CCDC18: variants seen among roughly 807,000 people sequenced by gnomAD.
CCDC18 encodes the protein coiled-coil domain containing 18, also known as coiled-coil domain-containing protein 18.
A neutral mutation model predicts 196.0 loss-of-function variants in CCDC18; 157 were observed. That is an observed-to-expected ratio of 0.80 (90% CI 0.70 to 0.91). CCDC18 has a LOEUF of 0.91. Among genes scored for constraint, CCDC18 ranks in the 40% least tolerant of loss-of-function variants. CCDC18 has a pLI of 0.00. For synonymous variants in CCDC18, 482 were observed against 529.2 expected (o/e 0.91, Z 1.22); for missense variants, 1,465 against 1,611.6 (o/e 0.91, Z 1.56).
chr1:93,243,170 C>G (rs1430837417), intron 21 of CCDC18, among the ~76,000 whole-genome samples: 1 of 152,242 alleles, frequency 6.6e-6, no homozygotes, highest in Non-Finnish European at 1.5e-5. Flanking sequence ...AGCCCTGCCT[C>G]AGCAGCAAAC....
At chr1:93,232,627 T>TA (rs1557664946) in intron 18 of CCDC18, 34 bp downstream of exon 18, 1 of 1,448,120 alleles carries the variant, frequency 6.9e-7, no homozygotes, top group East Asian at 2.4e-5. Context: ...GTTTTATTTG[T>TA]ATGAAATAGA....
intron 28 of CCDC18, chr1:93,271,106 AAAG>A: frequency 2.0e-6 from 2 of 983,968 alleles, no homozygotes; most frequent in Non-Finnish European, 2.4e-6. Flanking sequence ...AAACTGAAAA[AAAG>A]AAAAATGGTA....
At chr1:93,231,681 C>T (rs1037649167) in intron 17 of CCDC18, among the ~76,000 whole-genome samples, 3 of 152,106 alleles carry the variant, frequency 2.0e-5, no homozygotes, top group African/African-American at 7.2e-5. Flanking sequence ...TATCTTAAAG[C>T]AATTTTGGAG....
At chr1:93,207,612 A>C (rs566386977) in intron 9 of CCDC18, among the ~76,000 whole-genome samples, 1 of 152,116 alleles carries the variant, frequency 6.6e-6, no homozygotes, top group Non-Finnish European at 1.5e-5. Flanking sequence ...TAAGAATGGC[A>C]CAGAATTTTT....
intron 17 of CCDC18, among the ~76,000 whole-genome samples, chr1:93,228,497 C>T (rs918309431): frequency 2.1e-5 from 3 of 142,028 alleles, no homozygotes; most frequent in African/African-American, 8.7e-5. Flanking sequence ...ATTATATAGC[C>T]TTAGAAGTTT....
chr1:93,208,334 G>T (rs1467427493), intron 9 of CCDC18, among the ~76,000 whole-genome samples: 104 of 90,430 alleles, frequency 1.2e-3, no homozygotes, highest in African/African-American at 2.6e-3. Context: ...CTTTTTTTTT[G>T]TTTGTTTGTT....
chr1:93,186,597 A>G, intron 4 of CCDC18, 94 bp downstream of exon 4: 1 of 953,258 alleles, frequency 1.0e-6, no homozygotes, highest in Non-Finnish European at 1.6e-6. Context: ...ACATTGCCTT[A>G]ATGTGTTATG....
chr1:93,226,744 G>C (rs1658404711), intron 17 of CCDC18, among the ~76,000 whole-genome samples: 1 of 152,024 alleles, frequency 6.6e-6, no homozygotes, highest in Non-Finnish European at 1.5e-5. Flanking sequence ...ATGTTGGCCA[G>C]GCTGGCCTTG....
chr1:93,257,447 T>C (rs1663161499), intron 25 of CCDC18, among the ~76,000 whole-genome samples: 1 of 151,956 alleles, frequency 6.6e-6, no homozygotes, highest in South Asian at 2.1e-4. Context: ...TTTACATTGG[T>C]ATACTTGGGT....
intron 7 of CCDC18, among the ~76,000 whole-genome samples, chr1:93,202,394 G>A (rs1455117711): frequency 1.3e-5 from 2 of 152,134 alleles, no homozygotes; most frequent in African/African-American, 4.8e-5. Context: ...CTCTCGGAAG[G>A]TTCCTTGAAC....
intron 12 of CCDC18, among the ~76,000 whole-genome samples, 175 bp downstream of exon 12, chr1:93,215,141 C>T (rs1656273447): frequency 6.6e-6 from 1 of 152,038 alleles, no homozygotes; most frequent in Non-Finnish European, 1.5e-5. Context: ...TGTATTTTAA[C>T]TTATTAAAAG....
At chr1:93,262,520 G>A (rs1557707249) in intron 26 of CCDC18, among the ~76,000 whole-genome samples, 1 of 152,224 alleles carries the variant, frequency 6.6e-6, no homozygotes, top group South Asian at 2.1e-4. Flanking sequence ...AAATGTTAAA[G>A]CTCCAAAATA....
At chr1:93,194,063 G>A (rs1035309142) in intron 6 of CCDC18, among the ~76,000 whole-genome samples, 1 of 151,926 alleles carries the variant, frequency 6.6e-6, no homozygotes, top group African/African-American at 2.4e-5. Flanking sequence ...TACTAACAGG[G>A]AAAAAGCCTG....
At position 93,246,908 on chromosome 1, in the gene CCDC18, G is replaced by C. The variant is rs201175141; in HGVS notation, c.3152G>C (p.Gly1051Ala). The C allele has an allele frequency of 5.3e-4, 809 of 1,516,526 alleles. 3 individuals are homozygous for C. Among genetic ancestry groups the C allele is most frequent in the Non-Finnish European group, 5.4e-4 (596 of 1,108,496 alleles). 93.9% of individuals were successfully genotyped at this position (1,516,526 alleles called of 1,614,324 possible). ...EMEQKIIKLE[G>A]TLEKSELELK... ...GAACAAAAAATAATTAAATTAGAAGGTACTCTGGAGAAATCAGAATTGGAA... is the reference window on the plus strand; with the variant it reads ...GAACAAAAAATAATTAAATTAGAAGCTACTCTGGAGAAATCAGAATTGGAA... The change falls in exon 23 of 29, where the codon GGT becomes GCT. Residue 1051 changes from glycine to alanine, a missense_variant. By Grantham distance (60) the Gly-to-Ala change is moderately conservative (BLOSUM62 0). Transcript: ENST00000690025.
chr1:93,227,357 G>A (rs1238527533), intron 17 of CCDC18, among the ~76,000 whole-genome samples: 2 of 150,328 alleles, frequency 1.3e-5, no homozygotes, highest in Non-Finnish European at 3.0e-5. Flanking sequence ...TAGTAGAGAC[G>A]GGGTTTCACC....
At chr1:93,226,511 A>C in intron 17 of CCDC18, 62 bp downstream of exon 17, 1 of 642,060 alleles carries the variant, frequency 1.6e-6, no homozygotes, top group South Asian at 1.7e-5. Context: ...AAGAAGCATG[A>C]GATGTAGGAC....
At chr1:93,261,240 A>G (rs2101202210) in intron 26 of CCDC18, among the ~76,000 whole-genome samples, 1 of 152,262 alleles carries the variant, frequency 6.6e-6, no homozygotes, top group East Asian at 1.9e-4. Flanking sequence ...ATAAATGTAA[A>G]ACTCCTGACT....
At chr1:93,239,286 G>A (rs1660450935) in intron 19 of CCDC18, 24 bp from the exon 20 acceptor site, 1 of 1,475,560 alleles carries the variant, frequency 6.8e-7, no homozygotes, top group African/African-American at 1.4e-5. Context: ...TAAATTACCT[G>A]TTTTATTATT....
intron 11 of CCDC18, among the ~76,000 whole-genome samples, chr1:93,212,861 T>C (rs658877): frequency 0.71 from 108,472 of 152,020 alleles, 41,914 homozygotes; most frequent in East Asian, 0.96. Context: ...ATTATTATCA[T>C]ATTGATGTTG....
Sources: gnomAD v4.1 joint callset for allele counts (sites outside exome capture counted in the v4.1 genomes callset) on GRCh38, gnomAD v4.1.1 for gene constraint, MANE v1.5 for transcripts, NCBI Gene and HGNC (gene_info 2026-07-23, HGNC 2026-07-21) for gene names.